Variants in AKAP7 observed in about 807,000 individuals in gnomAD.
AKAP7 encodes A kinase (PRKA) anchor protein 7.
AKAP7 carries 39 observed loss-of-function variants against 39.5 expected under a neutral mutation model. The observed-to-expected ratio is 0.99, with a 90% CI of 0.76 to 1.29. The LOEUF is 1.29. AKAP7 is among the 50% of genes most tolerant of loss of function. The pLI, the probability that AKAP7 is intolerant of heterozygous loss-of-function variation, is 0.00. For synonymous variants in AKAP7, 140 were observed against 139.1 expected, an observed-to-expected ratio of 1.01 and a Z score of -0.05; for missense variants, 414 against 407.7, an observed-to-expected ratio of 1.02 and a Z score of -0.13.
intron 3 of AKAP7, chr6:131,164,577 T>C (rs1326758197): frequency 1.4e-5 from 5 of 350,050 alleles, no homozygotes; most frequent in South Asian, 8.9e-5. Flanking sequence ...ATTATTGCTG[T>C]CGTAAAAAAT....
chr6:131,229,281 CAT>C (rs1195243404), intron 7 of AKAP7, among the ~76,000 whole-genome samples: 2 of 152,248 alleles, frequency 1.3e-5, no homozygotes, highest in African/African-American at 4.8e-5. Flanking sequence ...GGAAAACTCA[CAT>C]ATATTATCAG....
In AKAP7 at chr6:131,240,500, C is replaced by A. The variant is rs573721331; in HGVS notation, c.850+20692C>A. ...CTTTTGTTTGGCTATGCCCTGCCCC[C>A]AGAGGTGAAGTCTATAGAGGCAGGC... On this transcript the variant is annotated intron_variant, in intron 7 of 7. Coordinates refer to ENST00000431975, the MANE Select transcript of AKAP7 (RefSeq NM_016377.4). Among the ~76,000 whole-genome samples, 493 of 152,346 alleles carry A rather than the reference C, an allele frequency of 3.2e-3. 1 individual carries two copies. The highest frequency in any genetic ancestry group is 6.2e-3 in the Non-Finnish European group (422 of 68,036).
chr6:131,149,108 G>A (rs1304229634), intron 2 of AKAP7, among the ~76,000 whole-genome samples: 1 of 152,210 alleles, frequency 6.6e-6, no homozygotes, highest in Admixed American at 6.5e-5. Context: ...ATTGTCAGCT[G>A]CGTTGCCTTC....
chr6:131,241,627 G>GTGTGTGTGTGTGTGTGTGTGTGTGTA lies in AKAP7; in HGVS notation c.850+21820_850+21821insGTGTGTGTGTGTGTGTGTGTGTGTAT. ...TGTGTGTGTGTGTGTGTGTGTGTGT[G>GTGTGTGTGTGTGTGTGTGTGTGTGTA]TATATATATATGACAGTTATAGGAT... is the stretch of plus-strand genomic sequence containing the variant. On this transcript the variant is annotated intron_variant, in intron 7 of 7. Coordinates refer to ENST00000431975, the MANE Select transcript of AKAP7 (RefSeq NM_016377.4). Among the ~76,000 whole-genome samples the GTGTGTGTGTGTGTGTGTGTGTGTGTA allele has an allele frequency of 6.9e-5, 6 of 86,638 alleles. 1 individual carries two copies. The highest frequency in any genetic ancestry group is 3.0e-4 in the African/African-American group (6 of 20,000). The allele number at this position is 86,638 out of a possible 152,430, so 56.8% of individuals were successfully genotyped here.
the AKAP7 span, among the ~76,000 whole-genome samples, chr6:131,128,954 T>G: frequency 6.6e-6 from 1 of 152,120 alleles, no homozygotes; most frequent in Non-Finnish European, 1.5e-5. Context: ...CATTGGCAAT[T>G]GGTCAAATAC....
At chr6:131,142,549 G>A (rs757096558) in intron 1 of AKAP7, among the ~76,000 whole-genome samples, 30 of 152,266 alleles carry the variant, frequency 2.0e-4, no homozygotes, top group Non-Finnish European at 3.7e-4. Context: ...GATTTCAGAT[G>A]ATGTACCAGA....
At chr6:131,225,637 A>T (rs902383278) in intron 7 of AKAP7, among the ~76,000 whole-genome samples, 1 of 152,138 alleles carries the variant, frequency 6.6e-6, no homozygotes, top group Admixed American at 6.6e-5. Context: ...AAGATTTGAT[A>T]TATATTCGTT....
At chr6:131,238,507 G>A (rs1252908488) in intron 7 of AKAP7, among the ~76,000 whole-genome samples, 2 of 152,172 alleles carry the variant, frequency 1.3e-5, no homozygotes, top group Non-Finnish European at 2.9e-5. Context: ...ACAGTGGGGT[G>A]TTAAAGTCTC....
intron 7 of AKAP7, among the ~76,000 whole-genome samples, chr6:131,227,953 G>T (rs1269070216): frequency 6.6e-6 from 1 of 152,186 alleles, no homozygotes; most frequent in Non-Finnish European, 1.5e-5. Flanking sequence ...GTAGTCATAT[G>T]AGGGCAGTAG....
At chr6:131,166,140 CTT>C (rs1803465173) in intron 4 of AKAP7, among the ~76,000 whole-genome samples, 1 of 152,128 alleles carries the variant, frequency 6.6e-6, no homozygotes, top group Admixed American at 6.5e-5. Flanking sequence ...AACCTCATGT[CTT>C]TAGAGGTCAA....
intron 5 of AKAP7, among the ~76,000 whole-genome samples, chr6:131,179,767 G>A (rs1161305562): frequency 1.3e-5 from 2 of 152,062 alleles, no homozygotes; most frequent in Non-Finnish European, 2.9e-5. Flanking sequence ...TACTTAGATG[G>A]CTGAGGTGGA....
At chr6:131,262,703 TAAAAA>T (rs1813452720) in intron 7 of AKAP7, among the ~76,000 whole-genome samples, 1 of 152,290 alleles carries the variant, frequency 6.6e-6, no homozygotes, top group Admixed American at 6.5e-5. Flanking sequence ...TCAACAAACT[TAAAAA>T]GAACAAATCA....
chr6:131,142,879 G>T (rs1239072645), intron 1 of AKAP7, among the ~76,000 whole-genome samples: 1 of 152,268 alleles, frequency 6.6e-6, no homozygotes, highest in Non-Finnish European at 1.5e-5. Context: ...TCTTGCTCCA[G>T]TGTGCCCTGG....
At chr6:131,256,525 G>GC (rs1335063973) in intron 7 of AKAP7, among the ~76,000 whole-genome samples, 1 of 151,964 alleles carries the variant, frequency 6.6e-6, no homozygotes, top group East Asian at 1.9e-4. Context: ...ATTATTCCCA[G>GC]CCCCCAGTAG....
intron 5 of AKAP7, among the ~76,000 whole-genome samples, chr6:131,176,079 A>G (rs184530475): frequency 5.3e-4 from 81 of 152,254 alleles, no homozygotes; most frequent in African/African-American, 1.9e-3. Context: ...TGAGAAAAAG[A>G]TATTTCTTTT....
At chr6:131,137,444 A>ACTCTG (rs1482451701) in intron 1 of AKAP7, 1 of 151,380 alleles carries the variant, frequency 6.6e-6, no homozygotes. Flanking sequence ...GTGCAGTGGC[A>ACTCTG]CAATCTCGGC....
chr6:131,262,909 G>C (rs1813469699), intron 7 of AKAP7, among the ~76,000 whole-genome samples: 1 of 152,212 alleles, frequency 6.6e-6, no homozygotes, highest in Non-Finnish European at 1.5e-5. Context: ...AGTTAAACCT[G>C]CAGCCAGGTA....
chr6:131,239,432 T>G (rs1489340197), intron 7 of AKAP7, among the ~76,000 whole-genome samples: 1 of 152,196 alleles, frequency 6.6e-6, no homozygotes, highest in Non-Finnish European at 1.5e-5. Flanking sequence ...TCTCTGTATT[T>G]CCTGAATTTG....
intron 2 of AKAP7, among the ~76,000 whole-genome samples, chr6:131,158,735 G>C (rs1480792198): frequency 2.0e-5 from 3 of 152,002 alleles, no homozygotes; most frequent in Non-Finnish European, 4.4e-5. Context: ...TCACACTCCT[G>C]ACCTCAAGTG....
Sources: gnomAD v4.1 joint callset for allele counts (sites outside exome capture counted in the v4.1 genomes callset) on GRCh38, gnomAD v4.1.1 for gene constraint, MANE v1.5 for transcripts, NCBI Gene and HGNC (gene_info 2026-07-23, HGNC 2026-07-21) for gene names.